Variants in DMD observed in about 807,000 individuals in gnomAD.
DMD encodes dystrophin, also known as mutant dystrophin.
A neutral mutation model predicts 330.1 loss-of-function variants in DMD; 63 were observed. That is an observed-to-expected ratio of 0.19 (90% confidence interval 0.16 to 0.24). The LOEUF is 0.24. Among genes scored for constraint, DMD ranks in the 10% least tolerant of loss-of-function variants. The pLI is 1.00. For synonymous variants in DMD, 1,223 were observed against 959.8 expected (o/e 1.27, Z -5.07); for missense variants, 3,344 against 2,684.1 (o/e 1.25, Z -5.43).
intron 9 of DMD, among the ~76,000 whole-genome samples, chrX:32,681,017 A>G (rs766820763): frequency 8.9e-6 from 1 of 112,311 alleles, no homozygotes; most frequent in East Asian, 2.8e-4. Context: ...TTGACCAGTA[A>G]GTGATAGTTT....
intron 1 of DMD, among the ~76,000 whole-genome samples, chrX:33,320,229 C>T (rs764041961): frequency 9.0e-6 from 1 of 111,647 alleles, no homozygotes; most frequent in African/African-American, 3.3e-5. Flanking sequence ...TGGTACAATA[C>T]GTTTAGTACA....
intron 63 of DMD, among the ~76,000 whole-genome samples, chrX:31,245,035 CCTTT>C (rs1360514317): frequency 1.2e-4 from 13 of 111,694 alleles, no homozygotes; most frequent in Non-Finnish European, 1.5e-4. Context: ...TTCAGTGTTT[CCTTT>C]CTTTGTCATA....
intron 53 of DMD, among the ~76,000 whole-genome samples, chrX:31,662,870 T>C (rs1469543288): frequency 1.8e-5 from 2 of 112,009 alleles, no homozygotes; most frequent in South Asian, 7.5e-4. Flanking sequence ...CAAAAAGTTC[T>C]ACATGTTGGA....
intron 44 of DMD, among the ~76,000 whole-genome samples, chrX:32,052,476 G>A (rs1253634571): frequency 2.7e-5 from 3 of 111,073 alleles, no homozygotes; most frequent in Non-Finnish European, 5.7e-5. Context: ...TTTGCCATTT[G>A]TATTTTTCTT....
chrX:33,322,251 T>A (rs748338947), intron 1 of DMD, among the ~76,000 whole-genome samples: 2 of 111,169 alleles, frequency 1.8e-5, no homozygotes, highest in African/African-American at 3.3e-5. Flanking sequence ...TCTCTAGCTT[T>A]TCATTTAAGA....
intron 9 of DMD, among the ~76,000 whole-genome samples, chrX:32,650,330 T>G (rs758605385): frequency 4.4e-4 from 49 of 112,137 alleles, no homozygotes; most frequent in South Asian, 4.1e-3. Flanking sequence ...TTTGCAAATT[T>G]TATCATTCTC....
chrX:31,247,689 A>G (rs1051432062), intron 63 of DMD, among the ~76,000 whole-genome samples: 2 of 111,038 alleles, frequency 1.8e-5, no homozygotes, highest in African/African-American at 3.3e-5. Context: ...AAATATCAAC[A>G]TTACCAGGAG....
intron 1 of DMD, among the ~76,000 whole-genome samples, chrX:33,062,076 A>T (rs934863136): frequency 1.1e-4 from 12 of 112,227 alleles, no homozygotes; most frequent in African/African-American, 3.9e-4. Flanking sequence ...GATAATTAAA[A>T]GTTTGATTAT....
At chrX:31,977,635 C>T (rs779220441) in intron 44 of DMD, among the ~76,000 whole-genome samples, 1 of 110,205 alleles carries the variant, frequency 9.1e-6, no homozygotes, top group East Asian at 2.9e-4. Context: ...TTTATTTTTC[C>T]CCAAGCCTTA....
At chrX:32,767,413 T>C (rs892617443) in intron 7 of DMD, among the ~76,000 whole-genome samples, 2 of 111,839 alleles carry the variant, frequency 1.8e-5, no homozygotes, top group African/African-American at 6.5e-5. Context: ...TACTCCAAAA[T>C]TGACCAAAAA....
intron 1 of DMD, among the ~76,000 whole-genome samples, chrX:33,140,695 C>T (rs1280959813): frequency 8.9e-6 from 1 of 112,145 alleles, no homozygotes; most frequent in East Asian, 2.8e-4. Flanking sequence ...GATAAACACC[C>T]AGGACTTCAT....
chrX:32,140,837 C>A (rs1310061053), intron 44 of DMD, among the ~76,000 whole-genome samples: 1 of 110,777 alleles, frequency 9.0e-6, no homozygotes, highest in African/African-American at 3.3e-5. Context: ...CCCACTGGAT[C>A]CCTCCCACAA....
chrX:32,491,763 A>C (rs1035672317), intron 19 of DMD, among the ~76,000 whole-genome samples: 22 of 112,168 alleles, frequency 2.0e-4, no homozygotes, highest in African/African-American at 7.1e-4. Flanking sequence ...GTAGAAAATT[A>C]GAATATATGT....
chrX:31,419,722 G>C (rs184921330), intron 60 of DMD, among the ~76,000 whole-genome samples: 42 of 111,623 alleles, frequency 3.8e-4, no homozygotes, highest in Non-Finnish European at 6.2e-4. Context: ...CTTGTGACCT[G>C]AGTAAATGGA....
intron 54 of DMD, among the ~76,000 whole-genome samples, chrX:31,646,173 G>A (rs746381867): frequency 9.0e-6 from 1 of 111,025 alleles, no homozygotes; most frequent in Admixed American, 9.6e-5. Flanking sequence ...TTAGGACTAG[G>A]TTATATGCTT....
At chrX:33,051,314 C>T (rs764537023) in intron 1 of DMD, among the ~76,000 whole-genome samples, 1 of 106,970 alleles carries the variant, frequency 9.3e-6, no homozygotes, top group African/African-American at 3.4e-5. Flanking sequence ...TGGGTCCAAG[C>T]GATTCTTCTG....
chrX:31,171,271 G>C (rs1171041857), intron 73 of DMD, among the ~76,000 whole-genome samples: 2 of 111,777 alleles, frequency 1.8e-5, no homozygotes, highest in Non-Finnish European at 3.8e-5. Context: ...TTATTAGCTT[G>C]ATCGTTTATG....
chrX:31,572,387 T>C (rs1691762021), intron 55 of DMD, among the ~76,000 whole-genome samples: 1 of 112,163 alleles, frequency 8.9e-6, no homozygotes, highest in African/African-American at 3.2e-5. Flanking sequence ...CTTAGACCTG[T>C]ATCTCTAAAA....
At chrX:31,142,934 C>CT (rs1348808605) in intron 76 of DMD, among the ~76,000 whole-genome samples, 1 of 111,917 alleles carries the variant, frequency 8.9e-6, no homozygotes, top group African/African-American at 3.2e-5. Flanking sequence ...GACACATCAC[C>CT]TAATATGACT....
Sources: gnomAD v4.1 joint callset for allele counts (sites outside exome capture counted in the v4.1 genomes callset) on GRCh38, gnomAD v4.1.1 for gene constraint, MANE v1.5 for transcripts, NCBI Gene and HGNC (gene_info 2026-07-23, HGNC 2026-07-21) for gene names.